The following SLC35F3 variants were observed in gnomAD, a reference collection of about 807,000 sequenced individuals.
SLC35F3 encodes putative thiamine transporter SLC35F3.
A neutral mutation model predicts 49.9 loss-of-function variants in SLC35F3; 25 were observed. That is an observed-to-expected ratio of 0.50 (90% confidence interval 0.37 to 0.70). SLC35F3 has a LOEUF of 0.70. Ranked by LOEUF, SLC35F3 falls within the 30% of genes least tolerant of loss-of-function variation. The pLI is 0.00. For synonymous variants in SLC35F3, 275 were observed against 265.4 expected (o/e 1.04, Z -0.35); for missense variants, 525 against 639.8 (o/e 0.82, Z 1.94).
At chr1:234,132,877 T>C (rs1665755819) in intron 2 of SLC35F3, among the ~76,000 whole-genome samples, 1 of 152,226 alleles carries the variant, frequency 6.6e-6, no homozygotes. Context: ...AAATTTCTAG[T>C]GGAAGCCAGA....
At chr1:234,118,266 A>G (rs1665522533) in intron 2 of SLC35F3, among the ~76,000 whole-genome samples, 1 of 152,156 alleles carries the variant, frequency 6.6e-6, no homozygotes, top group Non-Finnish European at 1.5e-5. Flanking sequence ...TTGTTGTTGT[A>G]ATGCACTTTT....
At chr1:234,131,818 C>G (rs1442306683) in intron 2 of SLC35F3, among the ~76,000 whole-genome samples, 1 of 152,134 alleles carries the variant, frequency 6.6e-6, no homozygotes, top group African/African-American at 2.4e-5. Flanking sequence ...TTTCTGGGAG[C>G]CAGGCGTGTA....
In SLC35F3 at chr1:233,911,012, G is replaced by C. The variant is rs6659565; in HGVS notation, c.283+5254G>C. The stretch of plus-strand genomic sequence containing the variant: ...AGCTTATCTGGGTGGAGGTTTTCTA[G>C]TTCAAGCTGAAAAAATGTAGGGCAC... On this transcript the variant is annotated intron_variant, in intron 2 of 7. Coordinates refer to ENST00000366618, the MANE Select transcript of SLC35F3 (RefSeq NM_173508.4). Among the ~76,000 whole-genome samples the C allele has an allele frequency of 1.9e-3, 282 of 152,270 alleles. 1 individual carries two copies. Among genetic ancestry groups the C allele is most frequent in the African/African-American group, 6.7e-3 (278 of 41,558 alleles).
chr1:233,928,242 T>C (rs1412589343), intron 2 of SLC35F3, among the ~76,000 whole-genome samples: 1 of 152,160 alleles, frequency 6.6e-6, no homozygotes, highest in Non-Finnish European at 1.5e-5. Flanking sequence ...ATGGGATAAT[T>C]TTCTGAGCAC....
chr1:234,049,136 G>A (rs1434779912), intron 2 of SLC35F3, among the ~76,000 whole-genome samples: 1 of 152,154 alleles, frequency 6.6e-6, no homozygotes, highest in Non-Finnish European at 1.5e-5. Context: ...AGGTTGTTGG[G>A]ATGAAATGAA....
intron 2 of SLC35F3, among the ~76,000 whole-genome samples, chr1:233,955,765 G>GT (rs551238786): frequency 0.53 from 59,673 of 112,778 alleles, 17,071 homozygotes; most frequent in Non-Finnish European, 0.62. Flanking sequence ...CTCACGAACT[G>GT]TTTTTTTTTT....
intron 2 of SLC35F3, among the ~76,000 whole-genome samples, chr1:233,907,085 A>G (rs780663779): frequency 1.6e-4 from 25 of 152,214 alleles, no homozygotes; most frequent in Non-Finnish European, 3.4e-4. Flanking sequence ...ATTGGAAACC[A>G]TATTTCTTAT....
chr1:234,289,586 G>T (rs10752781), intron 3 of SLC35F3, among the ~76,000 whole-genome samples: 64,163 of 151,980 alleles, frequency 0.42, 14,184 homozygotes, highest in Non-Finnish European at 0.49. Flanking sequence ...AGAAGAAAAA[G>T]TCACCTGTTA....
intron 3 of SLC35F3, among the ~76,000 whole-genome samples, chr1:234,269,923 A>G (rs1384321949): frequency 1.3e-5 from 2 of 152,158 alleles, no homozygotes; most frequent in African/African-American, 4.8e-5. Context: ...AGGCCTCCCC[A>G]GAAGCAGGTG....
rs1256125380 is a variant in SLC35F3 at position 233,905,692 on chromosome 1, A to G, written c.217A>G (p.Ile73Val). The G allele has an allele frequency of 1.2e-6, 2 of 1,614,210 alleles. No individual in the cohort carries two copies. Among genetic ancestry groups the G allele is most frequent in the African/African-American group, 1.3e-5 (1 of 75,078 alleles). ...CAGCGGGCCGGTGGGGCTCACGTCC[A>G]TCGAGGAGCGGATCCTGCGCATCAC... Reference protein sequence around the residue: ...LTSGPVGLTSIEERILRITGY... With the variant: ...LTSGPVGLTSVEERILRITGY... The change falls in exon 2 of 8, where the codon ATC becomes GTC. Residue 73 changes from isoleucine (I) to valine (V), a missense_variant. Coordinates refer to ENST00000366618, the MANE Select transcript of SLC35F3 (RefSeq NM_173508.4).
chr1:234,323,110 G>A lies in SLC35F3; in HGVS notation c.1340G>A (p.Trp447Ter). Residue 447 changes from tryptophan (W) to a stop codon, truncating the protein, a stop_gained, in exon 8 of 8, where the codon TGG becomes TAG. Coordinates refer to ENST00000366618, the MANE Select transcript of SLC35F3 (RefSeq NM_173508.4). LOFTEE classifies it high-confidence loss of function. This position sits in a 1 kb window ranked among gnomAD's most constrained non-coding sequence, Gnocchi z 4.5. ...CTCCTCCTGCTCCTGCCAGAGGAGTGGGATGTCTGGTTGATCAAGCTGCTC... is the reference window on the plus strand; with the variant it reads ...CTCCTCCTGCTCCTGCCAGAGGAGTAGGATGTCTGGTTGATCAAGCTGCTC... ...GFLLLLLPEEWDVWLIKLLTR... is the reference protein window; with the variant it reads ...GFLLLLLPEE 6.2e-7 allele frequency: 1 copy of A among 1,614,148 alleles called. No homozygotes were observed. The highest frequency in any genetic ancestry group is 1.3e-5 in the African/African-American group (1 of 75,010).
At position 234,046,698 on chromosome 1, in the gene SLC35F3, C is replaced by T. The variant is rs946299341; in HGVS notation, c.283+140940C>T. On this transcript the variant is annotated intron_variant, in intron 2 of 7. Transcript: ENST00000366618. The surrounding 1 kb of genome is among the most constrained non-coding windows in gnomAD (Gnocchi z 4.4). ...CTGAGATTATAAAGATATTCTTCTA[C>T]TATTTTGAAAATTTTAAACATTTCC... Among the ~76,000 whole-genome samples the T allele has an allele frequency of 1.3e-5, 2 of 152,156 alleles. No homozygotes were observed. Among genetic ancestry groups the T allele is most frequent in the African/African-American group, 4.8e-5 (2 of 41,456 alleles).
chr1:234,162,303 G>C (rs1006236884), intron 2 of SLC35F3, among the ~76,000 whole-genome samples: 1 of 127,860 alleles, frequency 7.8e-6, no homozygotes, highest in Non-Finnish European at 1.5e-5. Context: ...TCTCTTCCCT[G>C]CCCCACTCTC....
intron 2 of SLC35F3, among the ~76,000 whole-genome samples, chr1:234,230,889 T>C (rs1333671466): frequency 6.6e-6 from 1 of 152,230 alleles, no homozygotes; most frequent in Non-Finnish European, 1.5e-5. Flanking sequence ...ACTGTGCCTT[T>C]AAGTAACAGG....
intron 2 of SLC35F3, among the ~76,000 whole-genome samples, chr1:234,187,456 G>A (rs935280808): frequency 5.9e-5 from 9 of 152,274 alleles, no homozygotes; most frequent in Admixed American, 3.3e-4. Flanking sequence ...AGCATGTCGG[G>A]AGTCACATTG....
chr1:234,000,444 G>GT (rs1663533886), intron 2 of SLC35F3, among the ~76,000 whole-genome samples: 1 of 152,186 alleles, frequency 6.6e-6, no homozygotes, highest in Non-Finnish European at 1.5e-5. Flanking sequence ...AATCAACAAT[G>GT]TATGTATTGG....
chr1:234,147,790 T>C (rs997515010), intron 2 of SLC35F3, among the ~76,000 whole-genome samples: 3 of 152,340 alleles, frequency 2.0e-5, no homozygotes, highest in East Asian at 1.9e-4. Context: ...TCAAGCTTCA[T>C]TGTGAATCTG....
intron 4 of SLC35F3, among the ~76,000 whole-genome samples, chr1:234,310,065 A>G (rs1040106752): frequency 3.3e-5 from 5 of 152,222 alleles, no homozygotes; most frequent in African/African-American, 4.8e-5. Flanking sequence ...TCCCCCGAAT[A>G]AAAGAAACAG....
Position 233,957,392 on chromosome 1 carries a change from A to G in SLC35F3, c.283+51634A>G, listed in dbSNP as rs369148461. On this transcript the variant is annotated intron_variant, in intron 2 of 7. Transcript: ENST00000366618. This position sits in a 1 kb window ranked among gnomAD's most constrained non-coding sequence, Gnocchi z 4.0. Reference sequence around the variant, plus strand: ...AGTTCATCAGGGTGTGGGCTCTGTCACCTTTGTAGCCTCATTTATTCCACT... The same window carrying G: ...AGTTCATCAGGGTGTGGGCTCTGTCGCCTTTGTAGCCTCATTTATTCCACT... Among the ~76,000 whole-genome samples, 8 of 152,104 alleles carry G rather than the reference A, an allele frequency of 5.3e-5. No individual in the cohort carries two copies. The highest frequency in any genetic ancestry group is 1.3e-4 in the Admixed American group (2 of 15,280).
Sources: gnomAD v4.1 joint callset for allele counts (sites outside exome capture counted in the v4.1 genomes callset) on GRCh38, gnomAD v4.1.1 for gene constraint, Gnocchi (gnomAD v3.1) non-coding constraint, MANE v1.5 for transcripts, NCBI Gene and HGNC (gene_info 2026-07-23, HGNC 2026-07-21) for gene names.